CRYBG3: variants seen among roughly 807,000 people sequenced by gnomAD.
The protein encoded by CRYBG3 is crystallin beta-gamma domain containing 3.
Under a neutral mutation model 244.2 loss-of-function variants are expected in CRYBG3, and 127 were observed. The ratio of observed to expected loss-of-function variants is 0.52; its 90% CI spans 0.45 to 0.60. The LOEUF (loss-of-function observed/expected upper bound fraction) is 0.60, where lower values mean the gene tolerates loss of function less well. CRYBG3 is among the 20% of genes least tolerant of loss of function. The pLI is 0.00. For missense variants in CRYBG3, 3,325 were observed against 3,442.5 expected (o/e 0.97, Z 0.85); for synonymous variants, 1,132 against 1,195.8 (o/e 0.95, Z 1.10).
intron 1 of CRYBG3, among the ~76,000 whole-genome samples, chr3:97,830,546 A>T (rs761627777): frequency 1.3e-5 from 2 of 152,100 alleles, no homozygotes; most frequent in Non-Finnish European, 2.9e-5. Flanking sequence ...TTGTCTTTGC[A>T]CTTCTGAAAA....
intron 1 of CRYBG3, among the ~76,000 whole-genome samples, chr3:97,842,750 T>C (rs1192624796): frequency 7.9e-5 from 12 of 152,118 alleles, no homozygotes; most frequent in Admixed American, 7.9e-4. Context: ...CAGAATTCAC[T>C]AGATGGACCT....
intron 2 of CRYBG3, among the ~76,000 whole-genome samples, chr3:97,850,889 T>G (rs561688662): frequency 7.9e-5 from 12 of 152,280 alleles, no homozygotes; most frequent in Admixed American, 7.2e-4. Flanking sequence ...CCCAGCACTT[T>G]GGGAGGCTGA....
intron 2 of CRYBG3, among the ~76,000 whole-genome samples, chr3:97,848,062 C>T (rs1338863312): frequency 2.0e-5 from 3 of 151,982 alleles, no homozygotes; most frequent in Middle Eastern, 3.2e-3. Context: ...CATTAATGCC[C>T]GTATTCAGAA....
chr3:97,923,332 TATA>T (rs532226306), intron 17 of CRYBG3, among the ~76,000 whole-genome samples: 4 of 152,086 alleles, frequency 2.6e-5, no homozygotes, highest in African/African-American at 4.8e-5. Flanking sequence ...GAACTTAAAG[TATA>T]ATAATAATAA....
chr3:97,881,060 C>A lies in CRYBG3; in HGVS notation c.7005-12C>A, dbSNP rs1472030590. 2 of 1,570,380 alleles carry A rather than the reference C, an allele frequency of 1.3e-6. No homozygotes were observed. Among genetic ancestry groups the A allele is most frequent in the Non-Finnish European group, 8.6e-7 (1 of 1,163,162 alleles). The stretch of plus-strand genomic sequence containing the variant: ...TTAAATATAACTCATCATTGCATTT[C>A]TCTTTGTTTAGCTGGATTTTATATG... On this transcript the variant is annotated splice_polypyrimidine_tract_variant and intron_variant, in intron 6 of 21. Coordinates refer to ENST00000389622, the MANE Select transcript of CRYBG3 (RefSeq NM_153605.4).
At chr3:97,839,093 T>C (rs2038776194) in intron 1 of CRYBG3, among the ~76,000 whole-genome samples, 1 of 152,184 alleles carries the variant, frequency 6.6e-6, no homozygotes, top group Non-Finnish European at 1.5e-5. Context: ...TTTTGAATTC[T>C]GCTCTTCACC....
chr3:97,897,120 A>G (rs1041942770), intron 12 of CRYBG3, among the ~76,000 whole-genome samples: 3 of 151,776 alleles, frequency 2.0e-5, no homozygotes, highest in Admixed American at 6.6e-5. Flanking sequence ...GATTAATTTT[A>G]TATTTGCTTT....
At chr3:97,879,861 T>C in intron 5 of CRYBG3, 113 bp downstream of exon 5, 1 of 914,268 alleles carries the variant, frequency 1.1e-6, no homozygotes, top group Non-Finnish European at 1.7e-6. Flanking sequence ...ATTTAACATC[T>C]AAAGTAACAT....
At chr3:97,938,907 C>T (rs1249859650) in intron 19 of CRYBG3, among the ~76,000 whole-genome samples, 1 of 151,938 alleles carries the variant, frequency 6.6e-6, no homozygotes, top group African/African-American at 2.4e-5. Flanking sequence ...ATGACCTTTA[C>T]ATCTTGCTTA....
chr3:97,932,593 T>C (rs1270174732), intron 17 of CRYBG3, among the ~76,000 whole-genome samples: 1 of 152,092 alleles, frequency 6.6e-6, no homozygotes, highest in Non-Finnish European at 1.5e-5. Flanking sequence ...TTGCTTCTTA[T>C]CTACCGAGTT....
At chr3:97,867,790 TAA>T (rs2039252885) in intron 3 of CRYBG3, among the ~76,000 whole-genome samples, 1 of 152,190 alleles carries the variant, frequency 6.6e-6, no homozygotes, top group South Asian at 2.1e-4. Flanking sequence ...TGATATAGAA[TAA>T]AAATGTGATG....
chr3:97,875,538 G>A lies in CRYBG3; in HGVS notation c.4344G>A (p.Glu1448=). The change falls in exon 4 of 22, where the codon GAG becomes GAA. Residue 1448 remains glutamate, a synonymous_variant. Coordinates refer to ENST00000389622, the MANE Select transcript of CRYBG3 (RefSeq NM_153605.4). ...TAAAAACACATTTATTTCGCAGTGA[G>A]GACTGTAATGAGACAATGGAAATAG... ...DRVKTHLFRS[E]DCNETMEIEN... The A allele has an allele frequency of 1.6e-6, 2 of 1,257,250 alleles. No individual in the cohort carries two copies. The highest frequency in any genetic ancestry group is 2.0e-6 in the Non-Finnish European group (2 of 1,004,370). 77.9% of individuals were successfully genotyped at this position (1,257,250 alleles called of 1,614,324 possible).
rs551119284 is a variant in CRYBG3 at position 97,877,717 on chromosome 3, T to G, written c.6523T>G (p.Leu2175Val). The G allele has an allele frequency of 6.2e-7, 1 of 1,614,046 alleles. No homozygotes were observed. Among genetic ancestry groups the G allele is most frequent in the South Asian group, 1.1e-5 (1 of 91,078 alleles). ...AGSGERVTFQ[L>V]PDPSITFYPD... ...AAGTGGGGAGCGTGTTACCTTCCAG[T>G]TGCCAGATCCTTCCATCACATTTTA... Residue 2175 changes from leucine to valine, a missense_variant, in exon 4 of 22, where the codon TTG (leucine) becomes GTG (valine). Coordinates refer to ENST00000389622, the MANE Select transcript of CRYBG3 (RefSeq NM_153605.4).
In CRYBG3 at chr3:97,886,724, C is replaced by T; in HGVS notation, c.7246C>T (p.Leu2416=). 1 of 1,612,172 alleles carries T rather than the reference C, an allele frequency of 6.2e-7. No individual in the cohort carries two copies. The highest frequency in any genetic ancestry group is 1.7e-5 in the Admixed American group (1 of 59,722). ...IQRAVPNLEE[L]NISKSVSFTV... ...GAGAGCAGTCCCCAATTTGGAAGAA[C>T]TGAATATCTCCAAATCTGTGTCCTT... Residue 2416 remains leucine (L), a synonymous_variant, in exon 8 of 22, where the codon CTG becomes TTG. Transcript: ENST00000389622.
chr3:97,829,516 T>C lies in CRYBG3; in HGVS notation c.149+7161T>C, dbSNP rs1047330175. ...TCTAAGGTCTCTCTCAGCTTTAGCG[T>C]ACCAGCCAAAACTCCATGGGCTATT... On this transcript the variant is annotated intron_variant, in intron 1 of 21. Coordinates refer to ENST00000389622, the MANE Select transcript of CRYBG3 (RefSeq NM_153605.4). Among the ~76,000 whole-genome samples the C allele has an allele frequency of 2.6e-5, 4 of 152,218 alleles. No individual in the cohort carries two copies. In the South Asian group the frequency reaches 8.3e-4, roughly 32 times the overall value.
In CRYBG3 at chr3:97,874,480, G is replaced by T. The variant is rs73851081; in HGVS notation, c.3286G>T (p.Gly1096Cys). ...IQVTKDLTHE[G>C]TSVTNLLYPT... ...AGTTACCAAAGATCTCACACATGAA[G>T]GTACCTCTGTAACTAACCTGTTGTA... is the stretch of plus-strand genomic sequence containing the variant. The change falls in exon 4 of 22, where the codon GGT (glycine) becomes TGT (cysteine). Residue 1096 changes from glycine to cysteine, a missense_variant. Gly to Cys is a radical substitution (Grantham distance 159, BLOSUM62 -3). This residue lies in a region of CRYBG3 where 1,526 missense variants were observed against 1,443.2 expected (regional missense o/e 1.06). Coordinates refer to ENST00000389622, the MANE Select transcript of CRYBG3 (RefSeq NM_153605.4). 1,923 of 1,534,064 alleles carry T rather than the reference G, an allele frequency of 1.3e-3. 22 individuals carry two copies. In the African/African-American group the frequency reaches 0.022, roughly 18 times the overall value.
intron 2 of CRYBG3, among the ~76,000 whole-genome samples, chr3:97,843,940 G>C (rs1281572294): frequency 6.6e-6 from 1 of 152,114 alleles, no homozygotes; most frequent in East Asian, 1.9e-4. Flanking sequence ...TTTGGTCCCA[G>C]TTGCTTTCTT....
At position 97,876,834 on chromosome 3, in the gene CRYBG3, C is replaced by T; in HGVS notation, c.5640C>T (p.Thr1880=). The change falls in exon 4 of 22, where the codon ACC becomes ACT. Residue 1880 remains threonine, a synonymous_variant. Transcript: ENST00000389622. ...TACATGGAACAGGACTAGAATTGACCACTAAACAAGGGGAGGCCATGCTTC... is the reference window on the plus strand; with the variant it reads ...TACATGGAACAGGACTAGAATTGACTACTAAACAAGGGGAGGCCATGCTTC... The part of the protein sequence containing the change: ...EKIHGTGLEL[T]TKQGEAMLPA... 7.3e-7 allele frequency: 1 copy of T among 1,371,294 alleles called. No homozygotes were observed. Among genetic ancestry groups the T allele is most frequent in the Non-Finnish European group, 9.4e-7 (1 of 1,065,280 alleles). The allele number at this position is 1,371,294 out of a possible 1,614,324, so 84.9% of individuals were successfully genotyped here.
In CRYBG3 at chr3:97,881,124, G is replaced by T. The variant is rs771941853; in HGVS notation, c.7057G>T (p.Glu2353Ter). 5.6e-6 allele frequency: 9 copies of T among 1,611,140 alleles called. No homozygotes were observed. Among genetic ancestry groups the T allele is most frequent in the Non-Finnish European group, 7.6e-6 (9 of 1,178,732 alleles). The change falls in exon 7 of 22, where the codon GAA becomes TAA. Residue 2353 changes from glutamate (E) to a stop codon, truncating the protein, a stop_gained. Transcript: ENST00000389622. LOFTEE classifies it high-confidence loss of function. Reference protein sequence around the residue: ...HFRGQKCVLEEGEKVLNRDWI... With the variant: ...HFRGQKCVLE ...CCGAGGTCAGAAATGTGTGCTAGAA[G>T]AAGGGGAAAAGGTGTTAAATCGTGA...
Sources: gnomAD v4.1 joint callset for allele counts (sites outside exome capture counted in the v4.1 genomes callset) on GRCh38, gnomAD v4.1.1 for gene constraint, gnomAD v4.1.1 regional missense constraint, MANE v1.5 for transcripts, NCBI Gene and HGNC (gene_info 2026-07-23, HGNC 2026-07-21) for gene names.